Variants in TTC38 observed in about 807,000 individuals in gnomAD.
TTC38 encodes the protein tetratricopeptide repeat domain 38.
TTC38 carries 64 observed loss-of-function variants against 64.2 expected under a neutral mutation model. The ratio of observed to expected loss-of-function variants is 1.00; its 90% CI spans 0.81 to 1.23. The LOEUF (loss-of-function observed/expected upper bound fraction) is 1.23. Ranked by LOEUF, TTC38 falls within the 50% of genes most tolerant of loss-of-function variation. TTC38 has a pLI of 0.00. For synonymous variants in TTC38, 254 were observed against 249.3 expected (o/e 1.02, Z -0.18); for missense variants, 573 against 615.5 (o/e 0.93, Z 0.73).
chr22:46,278,799 C>T lies in TTC38; in HGVS notation c.615+138C>T, dbSNP rs1167626307. 7 of 769,016 alleles carry T rather than the reference C, an allele frequency of 9.1e-6. No individual in the cohort carries two copies. The Admixed American group carries it at 1.2e-4, about 13-fold the overall frequency. The allele number at this position is 769,016 out of a possible 1,614,324, so 47.6% of individuals were successfully genotyped here. On this transcript the variant is annotated intron_variant, in intron 6 of 13. Coordinates refer to ENST00000381031, the MANE Select transcript of TTC38 (RefSeq NM_017931.4). ...TCACTTCCTCAGAGAGACTGGGGAGCTCATGTTAGTGTGAGCAGCTGCCGC... is the reference window on the plus strand; with the variant it reads ...TCACTTCCTCAGAGAGACTGGGGAGTTCATGTTAGTGTGAGCAGCTGCCGC...
chr22:46,277,038 TATATACATACACAC>T (rs1489569609), intron 5 of TTC38, among the ~76,000 whole-genome samples: 1,692 of 101,534 alleles, frequency 0.017, 35 homozygotes, highest in African/African-American at 0.065. Context: ...ACAATACATA[TATATACATACACAC>T]ACACACACAC....
intron 9 of TTC38, among the ~76,000 whole-genome samples, chr22:46,286,351 A>C (rs1352807673): frequency 6.6e-6 from 1 of 152,144 alleles, no homozygotes; most frequent in Non-Finnish European, 1.5e-5. Flanking sequence ...CTACACGGTC[A>C]GGAAGCTGTA....
At position 46,278,575 on chromosome 22, in the gene TTC38, T is replaced by C; in HGVS notation, c.540-11T>C. The C allele has an allele frequency of 1.2e-6, 2 of 1,612,564 alleles. No homozygotes were observed. The highest frequency in any genetic ancestry group is 2.2e-5 in the East Asian group (1 of 44,874). ...CATTTTGTATTCTGAGATCTTTTTT[T>C]CTGTTTTTAGCTATGTGAAAGGCAT... On this transcript the variant is annotated splice_polypyrimidine_tract_variant and intron_variant, in intron 5 of 13. Coordinates refer to ENST00000381031, the MANE Select transcript of TTC38 (RefSeq NM_017931.4).
Position 46,284,997 on chromosome 22 carries a change from C to A in TTC38, c.796-244C>A, listed in dbSNP as rs183144216. Among the ~76,000 whole-genome samples, 415 of 152,064 alleles carry A rather than the reference C, an allele frequency of 2.7e-3. 2 individuals are homozygous for A. Among genetic ancestry groups the A allele is most frequent in the African/African-American group, 9.6e-3 (397 of 41,488 alleles). ...GAGAATGCTTCCACAGCAACTGTTTCTTCAGTGGTGGCGGCACAGGTGCTG... is the reference window on the plus strand; with the variant it reads ...GAGAATGCTTCCACAGCAACTGTTTATTCAGTGGTGGCGGCACAGGTGCTG... On this transcript the variant is annotated intron_variant, in intron 8 of 13. Coordinates refer to ENST00000381031, the MANE Select transcript of TTC38 (RefSeq NM_017931.4).
Position 46,273,889 on chromosome 22 carries a change from T to G in TTC38, c.194-9T>G. 6.2e-7 allele frequency: 1 copy of G among 1,613,972 alleles called. No homozygotes were observed. Among genetic ancestry groups the G allele is most frequent in the Non-Finnish European group, 8.5e-7 (1 of 1,179,952 alleles). On this transcript the variant is annotated splice_polypyrimidine_tract_variant and intron_variant, in intron 3 of 13. Transcript: ENST00000381031. This position sits in a 1 kb window ranked among gnomAD's most constrained non-coding sequence, Gnocchi z 5.1. ...CTGAACCACCAGCCGTTCTCTAACCTCCCACCAGTGATGGGCCACGCCATG... is the reference window on the plus strand; with the variant it reads ...CTGAACCACCAGCCGTTCTCTAACCGCCCACCAGTGATGGGCCACGCCATG...
chr22:46,288,465 C>T lies in TTC38; in HGVS notation c.959C>T (p.Ala320Val). The T allele has an allele frequency of 6.2e-7, 1 of 1,613,990 alleles. No homozygotes were observed. The highest frequency in any genetic ancestry group is 8.5e-7 in the Non-Finnish European group (1 of 1,179,906). Residue 320 changes from alanine to valine, a missense_variant, in exon 11 of 14, where the codon GCC becomes GTC. Transcript: ENST00000381031. ...CGGTGGCAGGATGTCCTGCCTGTGG[C>T]CCGGAAGCACAGCCGAGACCACATC... ...GQRWQDVLPV[A>V]RKHSRDHILL... is the part of the protein sequence containing the mutation.
At chr22:46,278,023 G>A (rs781690595) in intron 5 of TTC38, among the ~76,000 whole-genome samples, 9 of 152,226 alleles carry the variant, frequency 5.9e-5, no homozygotes, top group African/African-American at 9.6e-5. Flanking sequence ...ATGATTGTGC[G>A]GATGTAATGT....
At chr22:46,289,740 T>C in intron 12 of TTC38, 86 bp from the exon 13 acceptor site, 1 of 1,523,664 alleles carries the variant, frequency 6.6e-7, no homozygotes, top group Non-Finnish European at 9.1e-7. Flanking sequence ...ACTGTCTCCC[T>C]GGAGAGCAGG....
intron 5 of TTC38, among the ~76,000 whole-genome samples, chr22:46,277,605 CAAAAAAAAA>C (rs130643): frequency 4.5e-5 from 3 of 66,540 alleles, no homozygotes; most frequent in Admixed American, 3.5e-4. Flanking sequence ...ACTCTGTCTC[CAAAAAAAAA>C]AAAAAAAAAA....
chr22:46,290,585 G>C (rs1476970804), intron 13 of TTC38, among the ~76,000 whole-genome samples: 1 of 119,950 alleles, frequency 8.3e-6, no homozygotes, highest in Non-Finnish European at 1.6e-5. Context: ...GTGAGTGTTA[G>C]GAGGGTGGCG....
chr22:46,286,181 T>C (rs1226842026), intron 9 of TTC38, among the ~76,000 whole-genome samples: 1 of 151,566 alleles, frequency 6.6e-6, no homozygotes, highest in East Asian at 1.9e-4. Context: ...GGCATTCTTT[T>C]GAGAGGGGGA....
chr22:46,289,969 G>T, intron 13 of TTC38, 70 bp downstream of exon 13: 1 of 1,405,340 alleles, frequency 7.1e-7, no homozygotes. Context: ...AGGAGTGCCT[G>T]GAAGCCCCAC....
rs955968217 is a variant in TTC38, at chr22:46,273,800, C to G, written c.194-98C>G. On this transcript the variant is annotated intron_variant, in intron 3 of 13. Coordinates refer to ENST00000381031, the MANE Select transcript of TTC38 (RefSeq NM_017931.4). This position sits in a 1 kb window ranked among gnomAD's most constrained non-coding sequence, Gnocchi z 5.1. ...GCCTGCTGCTGCCTGGCTGGCCCCT[C>G]CTGGGACGTGGGGTGTCTCTGTGAC... The G allele has an allele frequency of 1.6e-6, 2 of 1,289,852 alleles. No individual in the cohort carries two copies. The highest frequency in any genetic ancestry group is 2.6e-4 in the Middle Eastern group (1 of 3,830). The allele number at this position is 1,289,852 out of a possible 1,614,324, so 79.9% of individuals were successfully genotyped here.
Position 46,289,852 on chromosome 22 carries a change from T to C in TTC38, c.1269T>C (p.Ile423=). The C allele has an allele frequency of 6.2e-7, 1 of 1,614,172 alleles. No individual in the cohort carries two copies. The highest frequency in any genetic ancestry group is 8.5e-7 in the Non-Finnish European group (1 of 1,180,022). ...GAGACGTCTTCAACCAGCTGCTGAT[T>C]CACGCGGCCTTAAACTGCACCTCCA... ...AQRDVFNQLL[I]HAALNCTSSV... Residue 423 remains isoleucine, a synonymous_variant, in exon 13 of 14, where the codon ATT becomes ATC. Coordinates refer to ENST00000381031, the MANE Select transcript of TTC38 (RefSeq NM_017931.4).
At position 46,275,216 on chromosome 22, in the gene TTC38, A is replaced by G. The variant is rs1936981543; in HGVS notation, c.366-32A>G. 6.2e-7 allele frequency: 1 copy of G among 1,602,004 alleles called. No individual in the cohort carries two copies. Among genetic ancestry groups the G allele is most frequent in the South Asian group, 1.1e-5 (1 of 89,624 alleles). The stretch of plus-strand genomic sequence containing the variant: ...CCCTGTGTGGGTGGACTATGTGTTC[A>G]GCGTTGGTGAGAAATCTTTCTCGGT... On this transcript the variant is annotated intron_variant, in intron 4 of 13. Transcript: ENST00000381031. The surrounding 1 kb of genome is among the most constrained non-coding windows in gnomAD (Gnocchi z 4.5).
rs111620880 is a variant in TTC38 at position 46,290,073 on chromosome 22, C to A, written c.1316+174C>A. ...CCTTTGTTAGCAGGCTCAGTGTGAC[C>A]AAGTGGAGCCAGCCCCACCCCAGGC... is the stretch of plus-strand genomic sequence containing the variant. On this transcript the variant is annotated intron_variant, in intron 13 of 13. Transcript: ENST00000381031. Among the ~76,000 whole-genome samples the A allele has an allele frequency of 1.5e-3, 222 of 152,304 alleles. 1 individual carries two copies. The highest frequency in any genetic ancestry group is 5.0e-3 in the African/African-American group (206 of 41,566).
rs946517605 is a variant in TTC38, at chr22:46,276,560, T to C, written c.539+1139T>C. On this transcript the variant is annotated intron_variant, in intron 5 of 13. Transcript: ENST00000381031. This position sits in a 1 kb window ranked among gnomAD's most constrained non-coding sequence, Gnocchi z 4.7. Reference sequence around the variant, plus strand: ...ATAAATTAAAAAAGTTAGCCAGGCATGGTGGCATGTGCCTGTAGTTCCGGC... The same window carrying C: ...ATAAATTAAAAAAGTTAGCCAGGCACGGTGGCATGTGCCTGTAGTTCCGGC... Among the ~76,000 whole-genome samples the C allele has an allele frequency of 2.0e-5, 3 of 151,544 alleles. No homozygotes were observed. The highest frequency in any genetic ancestry group is 7.3e-5 in the African/African-American group (3 of 41,256).
chr22:46,275,129 AT>A lies in TTC38; in HGVS notation c.366-114del. ...AGCCACCGCACCCAGTCAGAAACTG[AT>A]TTTTAAAAAAACACATCCATGTAGA... On this transcript the variant is annotated intron_variant, in intron 4 of 13. Transcript: ENST00000381031. The surrounding 1 kb of genome is among the most constrained non-coding windows in gnomAD (Gnocchi z 4.5). 9.7e-7 allele frequency: 1 copy of A among 1,033,786 alleles called. No homozygotes were observed. Among genetic ancestry groups the A allele is most frequent in the South Asian group, 1.7e-5 (1 of 59,360 alleles). 64.0% of individuals were successfully genotyped at this position (1,033,786 alleles called of 1,614,324 possible). A position where few individuals can be genotyped will look rare whatever the true frequency, so the allele number is the denominator to read the frequency against.
chr22:46,274,127 A>G lies in TTC38; in HGVS notation c.365+58A>G. On this transcript the variant is annotated intron_variant, in intron 4 of 13. Coordinates refer to ENST00000381031, the MANE Select transcript of TTC38 (RefSeq NM_017931.4). This position sits in a 1 kb window ranked among gnomAD's most constrained non-coding sequence, Gnocchi z 4.8. Reference sequence around the variant, plus strand: ...CCTGAGGCTGAGCTGGGGGAGTGGCAGGGTATCCCTTTCCTGATGCCCTTG... The same window carrying G: ...CCTGAGGCTGAGCTGGGGGAGTGGCGGGGTATCCCTTTCCTGATGCCCTTG... 4 of 873,412 alleles carry G rather than the reference A, an allele frequency of 4.6e-6. No homozygotes were observed. Among genetic ancestry groups the G allele is most frequent in the Admixed American group, 2.0e-5 (1 of 51,258 alleles). The allele number at this position is 873,412 out of a possible 1,614,324, so 54.1% of individuals were successfully genotyped here.
Sources: allele counts gnomAD v4.1 joint callset (sites outside exome capture counted in the v4.1 genomes callset), GRCh38; gene constraint gnomAD v4.1.1; non-coding constraint Gnocchi (gnomAD v3.1); transcripts MANE v1.5; gene names NCBI Gene and HGNC (gene_info 2026-07-23, HGNC 2026-07-21).